TENM1: variants seen among roughly 807,000 people sequenced by gnomAD.
TENM1 encodes teneurin-1.
Under a neutral mutation model 174.8 loss-of-function variants are expected in TENM1, and 35 were observed. The observed-to-expected ratio is 0.20, with a 90% CI of 0.15 to 0.27. The LOEUF (loss-of-function observed/expected upper bound fraction) is 0.27. Among genes scored for constraint, TENM1 ranks in the 10% least tolerant of loss-of-function variants. The pLI is 1.00. For synonymous variants in TENM1, 781 were observed against 798.7 expected, an observed-to-expected ratio of 0.98 and a Z score of 0.37; for missense variants, 1,633 against 2,130.1, an observed-to-expected ratio of 0.77 and a Z score of 4.59.
chrX:124,795,836 C>G (rs370958737), intron 3 of TENM1, among the ~76,000 whole-genome samples: 275 of 110,836 alleles, frequency 2.5e-3, no homozygotes, highest in African/African-American at 8.2e-3. Flanking sequence ...CAGCTCTGGA[C>G]TCCAGCTTAT....
chrX:124,964,431 G>A (rs2058699755), upstream of TENM1, among the ~76,000 whole-genome samples: 1 of 111,693 alleles, frequency 9.0e-6, no homozygotes, highest in East Asian at 2.8e-4. Flanking sequence ...GAGTTAGGTG[G>A]TGGTAAATTT....
intron 11 of TENM1, among the ~76,000 whole-genome samples, chrX:124,587,065 C>G (rs1350893950): frequency 9.2e-6 from 1 of 108,499 alleles, no homozygotes; most frequent in Non-Finnish European, 1.9e-5. Flanking sequence ...AAGAACATTC[C>G]ATGCTCATGG....
chrX:124,652,200 C>T (rs1158915878), intron 7 of TENM1, 76 bp from the exon 11 acceptor site: 3 of 1,089,912 alleles, frequency 2.8e-6, no homozygotes, highest in Non-Finnish European at 3.6e-6. Flanking sequence ...CTTCAACTGC[C>T]CTATTTCTTA....
At chrX:124,692,378 C>A (rs757078994) in intron 5 of TENM1, among the ~76,000 whole-genome samples, 1 of 110,901 alleles carries the variant, frequency 9.0e-6, no homozygotes, top group South Asian at 3.8e-4. Context: ...ATATCAAACT[C>A]CCTTGACACA....
At chrX:125,099,384 C>T in the TENM1 span, among the ~76,000 whole-genome samples, 1,651 of 112,351 alleles carry the variant, frequency 0.015, 30 homozygotes, top group African/African-American at 0.049. Flanking sequence ...TCCTTTCTTA[C>T]GTATGAAACC....
intron 1 of TENM1, among the ~76,000 whole-genome samples, chrX:124,915,120 C>A (rs1324233709): frequency 8.9e-6 from 1 of 111,882 alleles, no homozygotes; most frequent in African/African-American, 3.2e-5. Flanking sequence ...ACTTCCTTGA[C>A]CCTCCAGACC....
At chrX:124,798,059 T>G (rs1323161537) in intron 3 of TENM1, among the ~76,000 whole-genome samples, 2 of 111,756 alleles carry the variant, frequency 1.8e-5, no homozygotes, top group African/African-American at 6.5e-5. Context: ...GTATTCCATA[T>G]ATGTGCCACA....
the TENM1 span, among the ~76,000 whole-genome samples, chrX:125,176,334 G>C: frequency 2.7e-5 from 3 of 111,315 alleles, no homozygotes; most frequent in African/African-American, 3.3e-5. Flanking sequence ...AAATCATTTG[G>C]TACACAGAAC....
intron 8 of TENM1, among the ~76,000 whole-genome samples, chrX:124,647,267 G>T (rs1420616662): frequency 2.7e-5 from 3 of 111,563 alleles, no homozygotes. Flanking sequence ...CTACTATCTT[G>T]ACAGCTTAAA....
chrX:124,880,529 T>A (rs927031342), intron 3 of TENM1, among the ~76,000 whole-genome samples: 2 of 112,017 alleles, frequency 1.8e-5, no homozygotes, highest in African/African-American at 6.5e-5. Flanking sequence ...TTCTCTTGCC[T>A]GATTGTTCTG....
At chrX:125,031,197 A>C in the TENM1 span, among the ~76,000 whole-genome samples, 2 of 110,907 alleles carry the variant, frequency 1.8e-5, no homozygotes, top group African/African-American at 3.3e-5. Context: ...CTTATAAGTG[A>C]GAAGATGTGG....
intron 4 of TENM1, among the ~76,000 whole-genome samples, chrX:124,711,002 C>T (rs993676553): frequency 2.7e-5 from 3 of 111,848 alleles, no homozygotes; most frequent in Admixed American, 9.5e-5. Context: ...ATTGCTTTTC[C>T]CTGGGGACCT....
At chrX:124,603,805 GTTAC>G (rs768901041) in intron 11 of TENM1, among the ~76,000 whole-genome samples, 1 of 111,806 alleles carries the variant, frequency 8.9e-6, no homozygotes, top group Non-Finnish European at 1.9e-5. Context: ...GACATGTCCT[GTTAC>G]TTACTTCAAG....
chrX:124,795,220 T>C (rs1182779138), intron 3 of TENM1, among the ~76,000 whole-genome samples: 1 of 112,023 alleles, frequency 8.9e-6, no homozygotes, highest in East Asian at 2.8e-4. Context: ...CATAAATAAG[T>C]AGTAGTTTCA....
chrX:124,834,099 C>G (rs961794410), intron 3 of TENM1, among the ~76,000 whole-genome samples: 44 of 111,339 alleles, frequency 4.0e-4, no homozygotes, highest in African/African-American at 1.2e-3. Context: ...GCTGCCTCAA[C>G]CAATATATTC....
chrX:124,576,053 G>T, intron 11 of TENM1, among the ~76,000 whole-genome samples: 1 of 111,227 alleles, frequency 9.0e-6, no homozygotes, highest in Non-Finnish European at 1.9e-5. Flanking sequence ...AACCCTAAAG[G>T]AGCAAATATT....
the TENM1 span, among the ~76,000 whole-genome samples, chrX:125,143,136 A>G: frequency 1.8e-5 from 2 of 111,787 alleles, no homozygotes; most frequent in Admixed American, 1.9e-4. Context: ...CTGGAGCTGA[A>G]CAAACTGATT....
At chrX:124,754,265 T>C (rs2054166791) in intron 3 of TENM1, among the ~76,000 whole-genome samples, 1 of 111,658 alleles carries the variant, frequency 9.0e-6, no homozygotes, top group Non-Finnish European at 1.9e-5. Flanking sequence ...ATTTTCTAGT[T>C]TATTTGCGTA....
chrX:124,804,480 T>C (rs1391805340), intron 3 of TENM1, among the ~76,000 whole-genome samples: 1 of 111,875 alleles, frequency 8.9e-6, no homozygotes, highest in Non-Finnish European at 1.9e-5. Flanking sequence ...AATATGTTAA[T>C]TTCCTGGTTC....
Sources: allele counts gnomAD v4.1 joint callset (sites outside exome capture counted in the v4.1 genomes callset), GRCh38; gene constraint gnomAD v4.1.1; transcripts MANE v1.5; gene names NCBI Gene and HGNC (gene_info 2026-07-23, HGNC 2026-07-21).